OR3A2: variants seen among roughly 807,000 people sequenced by gnomAD.
OR3A2 encodes the protein olfactory receptor family 3 subfamily A member 2.
For synonymous variants in OR3A2, 126 were observed against 159.3 expected, an observed-to-expected ratio of 0.79 and a Z score of 1.57; for missense variants, 318 against 392.8, an observed-to-expected ratio of 0.81 and a Z score of 1.61.
chr17:3,303,695 A>G (rs231689), intron 3 of OR3A2, among the ~76,000 whole-genome samples: 68,357 of 148,016 alleles, frequency 0.46, 17,262 homozygotes, highest in East Asian at 0.96. Flanking sequence ...CAGTGAGTCA[A>G]GATCACACCA....
chr17:3,332,567 G>A (rs563532204), intron 3 of OR3A2, among the ~76,000 whole-genome samples: 26 of 152,176 alleles, frequency 1.7e-4, no homozygotes, highest in Non-Finnish European at 3.5e-4. Flanking sequence ...GCTGGCGCAC[G>A]GTGTGCACAC....
intron 3 of OR3A2, chr17:3,310,600 A>C (rs772926419): frequency 1.9e-6 from 1 of 539,076 alleles, no homozygotes; most frequent in Non-Finnish European, 3.8e-6. Context: ...AGCATTCCCT[A>C]TAAGGCCTGC....
At chr17:3,372,345 C>T (rs77724546) in intron 2 of OR3A2, among the ~76,000 whole-genome samples, 1 of 149,434 alleles carries the variant, frequency 6.7e-6, no homozygotes, top group African/African-American at 2.5e-5. Flanking sequence ...CCAGACTGGG[C>T]AGCCAGGCAG....
chr17:3,365,152 C>T, intron 2 of OR3A2, among the ~76,000 whole-genome samples: 1 of 152,098 alleles, frequency 6.6e-6, no homozygotes, highest in East Asian at 1.9e-4. Flanking sequence ...CTTATAACAC[C>T]TTGAGAAGTC....
At position 3,355,399 on chromosome 17, in the gene OR3A2, G is replaced by C. The variant is rs555144618; in HGVS notation, c.-178-19273C>G. 2.0e-5 allele frequency among the ~76,000 whole-genome samples: 3 copies of C among 150,072 alleles called. 1 individual carries two copies. The highest frequency in any genetic ancestry group is 7.4e-5 in the African/African-American group (3 of 40,332). On this transcript the variant is annotated intron_variant, in intron 2 of 4. Transcript: ENST00000573491. ...TGTCCAGCACTGAAAGTGGGGTATT[G>C]AAGTCTCCCACTATTATCATGTTGG...
At chr17:3,383,534 G>A (rs1041576802) in intron 2 of OR3A2, among the ~76,000 whole-genome samples, 1 of 152,184 alleles carries the variant, frequency 6.6e-6, no homozygotes, top group Non-Finnish European at 1.5e-5. Flanking sequence ...AATCCAGGTG[G>A]CTCTAAAGCT....
chr17:3,312,190 G>A (rs1039220647), intron 3 of OR3A2, among the ~76,000 whole-genome samples: 5 of 151,996 alleles, frequency 3.3e-5, no homozygotes, highest in East Asian at 3.9e-4. Flanking sequence ...GTCAGGTAGC[G>A]GGAGACAAAC....
At chr17:3,364,403 T>C (rs189851989) in intron 2 of OR3A2, among the ~76,000 whole-genome samples, 6 of 152,338 alleles carry the variant, frequency 3.9e-5, no homozygotes, top group Admixed American at 2.6e-4. Flanking sequence ...TATGCTATTA[T>C]TAATTATGGT....
intron 3 of OR3A2, among the ~76,000 whole-genome samples, chr17:3,323,388 G>C (rs577389547): frequency 8.5e-5 from 13 of 152,188 alleles, no homozygotes; most frequent in African/African-American, 3.1e-4. Context: ...GTGTGAATTT[G>C]ATCTTGTCAT....
At chr17:3,336,410 C>T (rs905139433) in intron 2 of OR3A2, among the ~76,000 whole-genome samples, 4 of 152,100 alleles carry the variant, frequency 2.6e-5, no homozygotes, top group Non-Finnish European at 4.4e-5. Flanking sequence ...AATTTTCATA[C>T]ATATTTTGAC....
chr17:3,376,378 A>G (rs2049684363), intron 2 of OR3A2, among the ~76,000 whole-genome samples: 1 of 152,156 alleles, frequency 6.6e-6, no homozygotes, highest in African/African-American at 2.4e-5. Context: ...GTCTTTGGCT[A>G]CCAGGGTGGG....
At chr17:3,379,762 C>T (rs2049717286) in intron 2 of OR3A2, among the ~76,000 whole-genome samples, 1 of 152,320 alleles carries the variant, frequency 6.6e-6, no homozygotes, top group Admixed American at 6.5e-5. Context: ...GGGTCACTAA[C>T]ACACCCCGTC....
At chr17:3,291,983 C>T (rs778738128) in intron 3 of OR3A2, 2 of 1,614,220 alleles carry the variant, frequency 1.2e-6, no homozygotes, top group South Asian at 1.1e-5. Context: ...CAAAAAGCAG[C>T]AGCTCATTGA....
At chr17:3,288,108 C>T (rs2048830344), upstream of OR3A2, among the ~76,000 whole-genome samples, 1 of 151,122 alleles carries the variant, frequency 6.6e-6, no homozygotes, top group African/African-American at 2.4e-5. Context: ...ATTTGGGCAG[C>T]AGTTACTCTA....
chr17:3,346,830 G>C (rs1260998809), intron 2 of OR3A2, among the ~76,000 whole-genome samples: 1 of 152,012 alleles, frequency 6.6e-6, no homozygotes. Flanking sequence ...CTCAATATAA[G>C]GACCTCCAGT....
intron 3 of OR3A2, among the ~76,000 whole-genome samples, chr17:3,314,500 AAC>A (rs869152403): frequency 1.6e-5 from 2 of 124,444 alleles, no homozygotes; most frequent in East Asian, 2.5e-4. Context: ...TGATGATGTA[AAC>A]ATGTGTATGG....
chr17:3,293,875 A>G (rs931326653), intron 3 of OR3A2, among the ~76,000 whole-genome samples: 1 of 152,218 alleles, frequency 6.6e-6, no homozygotes, highest in Non-Finnish European at 1.5e-5. Context: ...CAAACACTGC[A>G]TGCCCTCACT....
intron 3 of OR3A2, among the ~76,000 whole-genome samples, chr17:3,304,042 C>T (rs1220995743): frequency 6.7e-6 from 1 of 149,022 alleles, no homozygotes; most frequent in East Asian, 1.9e-4. Flanking sequence ...GCCAAAGTAA[C>T]AGTAAGCCAA....
At chr17:3,340,089 G>A (rs1424501390) in intron 2 of OR3A2, among the ~76,000 whole-genome samples, 8 of 152,054 alleles carry the variant, frequency 5.3e-5, no homozygotes, top group Non-Finnish European at 1.2e-4. Context: ...TCTGATGGTG[G>A]TTTGTATTTC....
Sources: allele counts gnomAD v4.1 joint callset (sites outside exome capture counted in the v4.1 genomes callset), GRCh38; gene constraint gnomAD v4.1.1; transcripts MANE v1.5; gene names NCBI Gene and HGNC (gene_info 2026-07-23, HGNC 2026-07-21).